Variants in URI1 observed in about 807,000 individuals in gnomAD.
The protein encoded by URI1 is unconventional prefoldin RPB5 interactor 1.
URI1 carries 39 observed loss-of-function variants against 60.2 expected under a neutral mutation model. The ratio of observed to expected loss-of-function variants is 0.65; its 90% confidence interval spans 0.50 to 0.85. The LOEUF (loss-of-function observed/expected upper bound fraction) is 0.85, where lower values mean the gene tolerates loss of function less well. Among genes scored for constraint, URI1 ranks in the 40% least tolerant of loss-of-function variants. The probability of loss-of-function intolerance (pLI) is 0.00; values close to 1 mark genes in which losing one functional copy is unlikely to be tolerated. For missense variants in URI1, 691 were observed against 665.9 expected, an observed-to-expected ratio of 1.04 and a Z score of -0.42; for synonymous variants, 251 against 236.8, an observed-to-expected ratio of 1.06 and a Z score of -0.55.
At chr19:30,007,014 CA>C (rs1162719358) in intron 6 of URI1, among the ~76,000 whole-genome samples, 4 of 152,060 alleles carry the variant, frequency 2.6e-5, no homozygotes, top group African/African-American at 9.7e-5. Flanking sequence ...TATCCTGTCA[CA>C]AGGCTTTTGC....
At chr19:29,973,399 A>G (rs768341408) in intron 2 of URI1, among the ~76,000 whole-genome samples, 3 of 152,122 alleles carry the variant, frequency 2.0e-5, no homozygotes, top group Non-Finnish European at 4.4e-5. Context: ...TTTAATTCCT[A>G]CTTAACCCTT....
chr19:29,992,609 T>C (rs1014303554), intron 4 of URI1, among the ~76,000 whole-genome samples: 8 of 152,220 alleles, frequency 5.3e-5, no homozygotes, highest in African/African-American at 1.9e-4. Flanking sequence ...TAAAGTATTT[T>C]TAATGTTACA....
chr19:29,923,738 C>T, exon 1 of URI1: 3 of 1,536,732 alleles, frequency 2.0e-6, no homozygotes, highest in Middle Eastern at 1.7e-4. Flanking sequence ...TCTAAGAGGG[C>T]TCTGGCATAT....
At chr19:30,008,093 C>T (rs1324374662) in intron 7 of URI1, among the ~76,000 whole-genome samples, 1 of 152,046 alleles carries the variant, frequency 6.6e-6, no homozygotes, top group East Asian at 1.9e-4. Flanking sequence ...TTCTTGCTTT[C>T]CTTTTATAAA....
At chr19:29,930,123 G>T (rs1210034070) in intron 1 of URI1, among the ~76,000 whole-genome samples, 2 of 151,938 alleles carry the variant, frequency 1.3e-5, no homozygotes, top group Non-Finnish European at 2.9e-5. Flanking sequence ...ATTTTTAGTA[G>T]AGATGGGGTT....
intron 4 of URI1, among the ~76,000 whole-genome samples, chr19:29,996,759 T>C (rs2055817882): frequency 6.6e-6 from 1 of 152,080 alleles, no homozygotes; most frequent in South Asian, 2.1e-4. Context: ...TGGCCTTTAT[T>C]ATGTTATGGA....
intron 1 of URI1, among the ~76,000 whole-genome samples, chr19:29,931,223 G>T (rs2054914684): frequency 6.6e-6 from 1 of 152,152 alleles, no homozygotes; most frequent in Non-Finnish European, 1.5e-5. Context: ...GGAGAACATT[G>T]TTGTATTAGT....
intron 1 of URI1, among the ~76,000 whole-genome samples, chr19:29,968,233 G>GT (rs1011508095): frequency 6.6e-6 from 1 of 151,860 alleles, no homozygotes; most frequent in Non-Finnish European, 1.5e-5. Flanking sequence ...AATACAATAA[G>GT]TTTTTTTTCT....
intron 10 of URI1, 181 bp downstream of exon 10, chr19:30,012,712 T>C: frequency 1.4e-6 from 1 of 720,004 alleles, no homozygotes; most frequent in Admixed American, 3.8e-5. Context: ...TAGTTTATTT[T>C]TTGATAAACA....
chr19:29,960,929 C>T (rs2055315141), intron 1 of URI1, among the ~76,000 whole-genome samples: 1 of 152,148 alleles, frequency 6.6e-6, no homozygotes, highest in Non-Finnish European at 1.5e-5. Context: ...TCATAGCTCA[C>T]TGCAACCTTG....
At chr19:30,007,434 C>T (rs375556921) in intron 6 of URI1, 36 bp from the exon 7 acceptor site, 1 of 1,602,156 alleles carries the variant, frequency 6.2e-7, no homozygotes, top group Admixed American at 1.7e-5. Context: ...TTTATGTTGG[C>T]TATTAACAGC....
Position 30,005,352 on chromosome 19 carries a change from T to C in URI1, c.368-9T>C, listed in dbSNP as rs778912063. 21 of 1,516,258 alleles carry C rather than the reference T, an allele frequency of 1.4e-5. No individual in the cohort carries two copies. Among genetic ancestry groups the C allele is most frequent in the Middle Eastern group, 3.5e-4 (2 of 5,780 alleles). 93.9% of individuals were successfully genotyped at this position (1,516,258 alleles called of 1,614,324 possible). A position where few individuals can be genotyped will look rare whatever the true frequency, so the allele number is the denominator to read the frequency against. On this transcript the variant is annotated splice_polypyrimidine_tract_variant and intron_variant, in intron 4 of 10. Transcript: ENST00000392271. ...ATGCTTTACATAATGGTTGTGTTCATTGTTTCAGATGTAAGAAAAACAATA... is the reference window on the plus strand; with the variant it reads ...ATGCTTTACATAATGGTTGTGTTCACTGTTTCAGATGTAAGAAAAACAATA...
chr19:30,010,385 G>C (rs2056002325), intron 8 of URI1, among the ~76,000 whole-genome samples: 1 of 152,204 alleles, frequency 6.6e-6, no homozygotes, highest in Non-Finnish European at 1.5e-5. Flanking sequence ...GTCTTCCCCT[G>C]ATTCTTCGGG....
At chr19:29,931,076 GTTC>G (rs2054913176) in intron 1 of URI1, among the ~76,000 whole-genome samples, 1 of 151,978 alleles carries the variant, frequency 6.6e-6, no homozygotes, top group Non-Finnish European at 1.5e-5. Context: ...CTCCAACTTT[GTTC>G]TTCTTTTTCG....
intron 9 of URI1, 95 bp from the exon 10 acceptor site, chr19:30,012,190 T>A: frequency 7.1e-7 from 1 of 1,417,212 alleles, no homozygotes; most frequent in East Asian, 2.4e-5. Flanking sequence ...ATTTTCAGAT[T>A]AATTTCTAGA....
chr19:29,942,776 AACGGG>A, intron 1 of URI1, 112 bp downstream of exon 1: 2 of 1,181,958 alleles, frequency 1.7e-6, no homozygotes, highest in Non-Finnish European at 2.1e-6. Flanking sequence ...CCCCGGAGGG[AACGGG>A]GATAAACTTT....
chr19:29,996,450 A>AT (rs540942937), intron 4 of URI1, among the ~76,000 whole-genome samples: 7 of 151,096 alleles, frequency 4.6e-5, no homozygotes, highest in East Asian at 1.9e-4. Flanking sequence ...ACTTTGCTGA[A>AT]TTTTTTTTAT....
At chr19:29,945,317 G>A (rs538813328) in intron 1 of URI1, among the ~76,000 whole-genome samples, 2 of 152,284 alleles carry the variant, frequency 1.3e-5, no homozygotes, top group East Asian at 3.9e-4. Flanking sequence ...TTGCTCATTA[G>A]TTTTGCTCTT....
At chr19:29,958,880 A>G (rs1413877300) in intron 1 of URI1, among the ~76,000 whole-genome samples, 1 of 151,954 alleles carries the variant, frequency 6.6e-6, no homozygotes, top group Non-Finnish European at 1.5e-5. Flanking sequence ...GAATTGCTTG[A>G]ACCCGGGAGG....
Sources: gnomAD v4.1 joint callset for allele counts (sites outside exome capture counted in the v4.1 genomes callset) on GRCh38, gnomAD v4.1.1 for gene constraint, MANE v1.5 for transcripts, NCBI Gene and HGNC (gene_info 2026-07-23, HGNC 2026-07-21) for gene names.